Variants in ZNF232 observed in about 807,000 individuals in gnomAD.
The protein encoded by ZNF232 is zinc finger and SCAN domain-containing protein 11.
A neutral mutation model predicts 25.2 loss-of-function variants in ZNF232; 25 were observed. The observed-to-expected ratio is 0.99, with a 90% CI of 0.72 to 1.39. The LOEUF (loss-of-function observed/expected upper bound fraction) is 1.39. ZNF232 is among the 40% of genes most tolerant of loss of function. ZNF232 has a pLI of 0.00. For synonymous variants in ZNF232, 193 were observed against 182.9 expected (o/e 1.06, Z -0.45); for missense variants, 519 against 520.9 (o/e 1.00, Z 0.04).
At chr17:5,117,153 T>TC (rs1221546912) in intron 1 of ZNF232, among the ~76,000 whole-genome samples, 1 of 152,212 alleles carries the variant, frequency 6.6e-6, no homozygotes, top group African/African-American at 2.4e-5. Flanking sequence ...CAATTATAAG[T>TC]TCCATCAGGC....
intron 3 of ZNF232, among the ~76,000 whole-genome samples, chr17:5,108,242 C>T (rs1407979133): frequency 1.3e-5 from 2 of 152,180 alleles, no homozygotes; most frequent in Non-Finnish European, 2.9e-5. Context: ...ACAATACGGT[C>T]ACAAGGCTAC....
intron 3 of ZNF232, among the ~76,000 whole-genome samples, chr17:5,107,312 C>G (rs112350552): frequency 7.1e-6 from 1 of 140,098 alleles, no homozygotes; most frequent in Non-Finnish European, 1.5e-5. Context: ...GGCGTGAACC[C>G]GGGAAGTGGA....
At position 5,109,390 on chromosome 17, in the gene ZNF232, C is replaced by G. The variant is rs771061119; in HGVS notation, c.498+4G>C. ...CCCATAACAGACCAAATCCCCCTTC[C>G]CACCTGCGGCTCTGGTTCAAGTCCT... On this transcript the variant is annotated splice_donor_region_variant and intron_variant, in intron 2 of 3. Transcript: ENST00000575898. 6.2e-7 allele frequency: 1 copy of G among 1,614,040 alleles called. No individual in the cohort carries two copies. The highest frequency in any genetic ancestry group is 1.3e-5 in the African/African-American group (1 of 74,932).
At chr17:5,105,764 C>A in exon 4 of ZNF232, 1 of 1,429,328 alleles carries the variant, frequency 7.0e-7, no homozygotes. Context: ...TTATGGGATC[C>A]AGTCCTAAAG....
In ZNF232 at chr17:5,117,827, G is replaced by T. The variant is rs1378095120; in HGVS notation, c.-530+5150C>A. 2.0e-5 allele frequency among the ~76,000 whole-genome samples: 3 copies of T among 152,078 alleles called. No individual in the cohort carries two copies. The East Asian group carries it at 5.8e-4, about 29-fold the overall frequency. Reference sequence around the variant, plus strand: ...AAGACAAGTGAGGCCGGGTGGGGTGGCTCACACCTGTAATCCCAGGACTTT... The same window carrying T: ...AAGACAAGTGAGGCCGGGTGGGGTGTCTCACACCTGTAATCCCAGGACTTT... On this transcript the variant is annotated intron_variant, in intron 1 of 4. Coordinates refer to the ZNF232 transcript ENST00000250076.
intron 1 of ZNF232, chr17:5,121,370 T>G (rs2072659838): frequency 5.9e-6 from 2 of 340,546 alleles, no homozygotes; most frequent in African/African-American, 4.3e-5. Context: ...CACTCTGCCT[T>G]CCAGAGAGAG....
chr17:5,109,818 T>C (rs1201728658), exon 2 of ZNF232: 4 of 1,614,110 alleles, frequency 2.5e-6, no homozygotes, highest in African/African-American at 1.3e-5. Flanking sequence ...CATCCTAGTC[T>C]GCACTAGCTC....
chr17:5,109,592 T>A (rs2072346306), exon 2 of ZNF232: 1 of 1,614,176 alleles, frequency 6.2e-7, no homozygotes, highest in Non-Finnish European at 8.5e-7. Flanking sequence ...AGAGTACTCG[T>A]AGTTGGCTCA....
At chr17:5,120,552 G>A (rs1290687356) in intron 1 of ZNF232, 2 of 349,134 alleles carry the variant, frequency 5.7e-6, no homozygotes, top group East Asian at 7.7e-5. Context: ...CTGTCTCTCC[G>A]AGGGAAAGAA....
chr17:5,108,031 A>T (rs1319242737), intron 3 of ZNF232, among the ~76,000 whole-genome samples: 1 of 152,220 alleles, frequency 6.6e-6, no homozygotes, highest in African/African-American at 2.4e-5. Flanking sequence ...TCTGGAAAAA[A>T]GTCAAGGAAG....
At chr17:5,107,570 G>GTTTTTTT (rs2072292865) in intron 3 of ZNF232, among the ~76,000 whole-genome samples, 1 of 130,102 alleles carries the variant, frequency 7.7e-6, no homozygotes. Context: ...ACAGAGTCTT[G>GTTTTTTT]CTCTGTTGCC....
chr17:5,107,819 G>A (rs1239890087), intron 3 of ZNF232, among the ~76,000 whole-genome samples: 1 of 152,086 alleles, frequency 6.6e-6, no homozygotes, highest in East Asian at 1.9e-4. Context: ...ATAGGCGTGA[G>A]CCACCGTGCC....
intron 1 of ZNF232, 97 bp from the exon 2 acceptor site, chr17:5,109,965 C>T (rs1381402350): frequency 1.7e-6 from 2 of 1,191,480 alleles, no homozygotes; most frequent in Non-Finnish European, 1.1e-6. Flanking sequence ...TCTCAGCTCA[C>T]TGCAACCTCC....
chr17:5,109,926 G>C (rs1209899638), intron 1 of ZNF232, 58 bp from the exon 2 acceptor site: 3 of 1,490,346 alleles, frequency 2.0e-6, no homozygotes, highest in Admixed American at 2.2e-5. Context: ...GTCTTTCTCT[G>C]TTACCCAGGC....
At chr17:5,118,090 A>G (rs555072206) in intron 1 of ZNF232, 1 of 152,036 alleles carries the variant, frequency 6.6e-6, no homozygotes, top group African/African-American at 2.4e-5. Context: ...AAAAATCAAG[A>G]CAAGTGGACT....
At chr17:5,113,364 TG>T (rs2072462365), upstream of ZNF232, 1 of 152,248 alleles carries the variant, frequency 6.6e-6, no homozygotes, top group South Asian at 2.1e-4. Context: ...ATTGTATTAA[TG>T]TCATTATCTT....
chr17:5,111,686 C>T (rs1230658895), intron 1 of ZNF232, 114 bp downstream of exon 1: 2 of 1,559,972 alleles, frequency 1.3e-6, no homozygotes, highest in Admixed American at 3.5e-5. Context: ...CCTCTCCACA[C>T]ACAACCGCGG....
At chr17:5,111,775 CG>C (rs753097394) in intron 1 of ZNF232, 24 bp downstream of exon 1, 2 of 1,613,678 alleles carry the variant, frequency 1.2e-6, no homozygotes, top group South Asian at 2.2e-5. Context: ...AGGTGGACCT[CG>C]GGGAAGCCGC....
Position 5,106,512 on chromosome 17 carries a change from A to G in ZNF232, c.626-6T>C, listed in dbSNP as rs762338772. On this transcript the variant is annotated splice_polypyrimidine_tract_variant and splice_region_variant and intron_variant, in intron 3 of 3. Transcript: ENST00000575898. ...TGGGCCATCTTCTGTAACAACTGAC[A>G]GAAAATGTAAATATACCTGTTCTGG... The G allele has an allele frequency of 3.7e-6, 6 of 1,610,590 alleles. No individual in the cohort carries two copies. In the East Asian group the frequency reaches 8.9e-5, roughly 24 times the overall value.
Sources: allele counts gnomAD v4.1 joint callset (sites outside exome capture counted in the v4.1 genomes callset), GRCh38; gene constraint gnomAD v4.1.1; transcripts MANE v1.5; gene names NCBI Gene and HGNC (gene_info 2026-07-23, HGNC 2026-07-21).